The following KLHL32 variants were observed in gnomAD, a reference collection of about 807,000 sequenced individuals.
KLHL32 encodes the protein kelch-like protein 32.
In KLHL32, 35 loss-of-function variants were observed where a neutral mutation model predicts 64.8. The ratio of observed to expected loss-of-function variants is 0.54; its 90% CI spans 0.41 to 0.72. KLHL32 has a LOEUF of 0.72. Among genes scored for constraint, KLHL32 ranks in the 30% least tolerant of loss-of-function variants. KLHL32 has a pLI of 0.00. For missense variants in KLHL32, 589 were observed against 768.5 expected (o/e 0.77, Z 2.76); for synonymous variants, 259 against 281.0 (o/e 0.92, Z 0.78).
At position 97,108,428 on chromosome 6, in the gene KLHL32, A is replaced by G. The variant is rs116747516; in HGVS notation, c.628-5355A>G. ...TGTCTTTGGGTTTTATGATGCCCCA[A>G]TGATAAATCAGCTTTCCTCTTACTG... On this transcript the variant is annotated intron_variant, in intron 6 of 10. Coordinates refer to ENST00000369261, the MANE Select transcript of KLHL32 (RefSeq NM_052904.4). Among the ~76,000 whole-genome samples, 1,038 of 152,244 alleles carry G rather than the reference A, an allele frequency of 6.8e-3. 13 individuals are homozygous for G. Among genetic ancestry groups the G allele is most frequent in the African/African-American group, 0.024 (996 of 41,542 alleles).
intron 6 of KLHL32, among the ~76,000 whole-genome samples, chr6:97,087,755 C>G (rs1793647327): frequency 6.6e-6 from 1 of 152,180 alleles, no homozygotes; most frequent in South Asian, 2.1e-4. Context: ...GGGACCATCC[C>G]ATATTTGGTG....
chr6:97,119,220 C>T (rs987204882), intron 7 of KLHL32, among the ~76,000 whole-genome samples: 5 of 152,176 alleles, frequency 3.3e-5, no homozygotes, highest in South Asian at 4.1e-4. Context: ...CAGCACATCA[C>T]GCACAGTGGC....
intron 1 of KLHL32, among the ~76,000 whole-genome samples, chr6:96,947,953 T>C (rs979963484): frequency 6.6e-6 from 1 of 152,176 alleles, no homozygotes; most frequent in Non-Finnish European, 1.5e-5. Context: ...TGAGAGGGAC[T>C]TCTTTCTGGT....
At position 97,083,382 on chromosome 6, in the gene KLHL32, T is replaced by G. The variant is rs567000875; in HGVS notation, c.412-1744T>G. Reference sequence around the variant, plus strand: ...TCCAGCCTGGGCGACAGAGCAAGACTCCGTCTCAAAAAAAAAAAAAAAATT... The same window carrying G: ...TCCAGCCTGGGCGACAGAGCAAGACGCCGTCTCAAAAAAAAAAAAAAAATT... On this transcript the variant is annotated intron_variant, in intron 5 of 10. Transcript: ENST00000369261. 4.9e-5 allele frequency among the ~76,000 whole-genome samples: 5 copies of G among 101,030 alleles called. No homozygotes were observed. The South Asian group carries it at 1.7e-3, about 35-fold the overall frequency. The allele number at this position is 101,030 out of a possible 152,430, so 66.3% of individuals were successfully genotyped here.
chr6:97,006,133 A>G (rs979373489), intron 3 of KLHL32, among the ~76,000 whole-genome samples: 4 of 152,054 alleles, frequency 2.6e-5, no homozygotes, highest in African/African-American at 9.7e-5. Flanking sequence ...ATTATTGTTC[A>G]GTTATCTAGG....
chr6:97,027,415 C>G (rs1782892710), intron 3 of KLHL32, among the ~76,000 whole-genome samples: 1 of 152,130 alleles, frequency 6.6e-6, no homozygotes, highest in Admixed American at 6.5e-5. Context: ...TTCTTTATGA[C>G]AAATTGAAAC....
chr6:96,959,729 G>C (rs1773680156), intron 1 of KLHL32, among the ~76,000 whole-genome samples: 1 of 152,172 alleles, frequency 6.6e-6, no homozygotes, highest in African/African-American at 2.4e-5. Flanking sequence ...TGCGGTGGTT[G>C]CAGGTTCTGA....
intron 1 of KLHL32, among the ~76,000 whole-genome samples, chr6:96,939,948 A>G (rs1771083024): frequency 6.6e-6 from 1 of 152,066 alleles, no homozygotes; most frequent in Non-Finnish European, 1.5e-5. Flanking sequence ...GCCTAAGGAC[A>G]ACTCAGGAGG....
chr6:96,945,311 T>G (rs2128003487), intron 1 of KLHL32, among the ~76,000 whole-genome samples: 1 of 152,358 alleles, frequency 6.6e-6, no homozygotes, highest in East Asian at 1.9e-4. Flanking sequence ...ACCATGCTTC[T>G]TTTGAAGAGT....
At chr6:97,007,287 G>A (rs945714933) in intron 3 of KLHL32, among the ~76,000 whole-genome samples, 4 of 152,048 alleles carry the variant, frequency 2.6e-5, no homozygotes, top group Non-Finnish European at 5.9e-5. Context: ...CATTTCTGCC[G>A]TTAGTACTTA....
intron 3 of KLHL32, among the ~76,000 whole-genome samples, chr6:96,987,736 T>C (rs1415501833): frequency 6.6e-6 from 1 of 152,156 alleles, no homozygotes; most frequent in Admixed American, 6.5e-5. Flanking sequence ...AACAGCAAGG[T>C]ACTGGTACCA....
intron 10 of KLHL32, among the ~76,000 whole-genome samples, chr6:97,136,521 G>A (rs1265745204): frequency 6.6e-6 from 1 of 152,330 alleles, no homozygotes; most frequent in African/African-American, 2.4e-5. Context: ...TATTTAGTGG[G>A]TGTGTAAACT....
intron 4 of KLHL32, among the ~76,000 whole-genome samples, chr6:97,054,068 T>C (rs1047352596): frequency 6.6e-6 from 1 of 152,108 alleles, no homozygotes; most frequent in African/African-American, 2.4e-5. Flanking sequence ...TATGGGAGTT[T>C]TACAATTCTA....
chr6:96,930,045 T>C (rs1769658941), intron 1 of KLHL32, among the ~76,000 whole-genome samples: 1 of 152,174 alleles, frequency 6.6e-6, no homozygotes, highest in Admixed American at 6.5e-5. Flanking sequence ...CAGTACCAGT[T>C]ACTTAGAAGC....
rs767805300 is a variant in KLHL32, at chr6:97,130,948, T to G, written c.1605T>G (p.Thr535=). 1.2e-6 allele frequency: 2 copies of G among 1,608,296 alleles called. No individual in the cohort carries two copies. Among genetic ancestry groups the G allele is most frequent in the Non-Finnish European group, 1.7e-6 (2 of 1,176,884 alleles). ...QWTRCNFNLL[T]GQNESGVAVH... ...CACGTTGTAATTTCAACCTGCTGAC[T>G]GGCAAGTACCTTTGATTAAGTAAAT... The change falls in exon 9 of 11, where the codon ACT becomes ACG. Residue 535 remains threonine (T), a splice_region_variant and synonymous_variant. Coordinates refer to ENST00000369261, the MANE Select transcript of KLHL32 (RefSeq NM_052904.4).
At chr6:97,114,593 A>G (rs754424641) in intron 7 of KLHL32, 84 bp downstream of exon 7, 2 of 1,512,816 alleles carry the variant, frequency 1.3e-6, no homozygotes, top group Non-Finnish European at 9.1e-7. Context: ...TACTGTGGCC[A>G]TGTGTAATTG....
chr6:96,987,525 G>GT (rs1777262280), intron 3 of KLHL32, among the ~76,000 whole-genome samples: 1 of 152,138 alleles, frequency 6.6e-6, no homozygotes, highest in African/African-American at 2.4e-5. Context: ...TGGCCATACT[G>GT]CCTGAAGTAA....
rs1333376623 is a variant in KLHL32, at chr6:97,139,456, T to C, written c.*174T>C. ...ATACGTTATTGAAAACTCGTCACCC[T>C]TCTCAGTGTATGTCAACATTCAATA... is the stretch of plus-strand genomic sequence containing the variant. On this transcript the variant is annotated 3_prime_UTR_variant, in exon 11 of 11. Transcript: ENST00000369261. 1 of 596,024 alleles carries C rather than the reference T, an allele frequency of 1.7e-6. No individual in the cohort carries two copies. The highest frequency in any genetic ancestry group is 3.2e-5 in the Admixed American group (1 of 31,468). 36.9% of individuals were successfully genotyped at this position (596,024 alleles called of 1,614,324 possible). A position where few individuals can be genotyped will look rare whatever the true frequency, so the allele number is the denominator to read the frequency against.
chr6:96,985,951 A>G (rs1204933797), intron 3 of KLHL32, among the ~76,000 whole-genome samples: 1 of 152,018 alleles, frequency 6.6e-6, no homozygotes, highest in Non-Finnish European at 1.5e-5. Flanking sequence ...AGGTGCTCTG[A>G]TTTTTAGAGT....
Sources: allele counts gnomAD v4.1 joint callset (sites outside exome capture counted in the v4.1 genomes callset), GRCh38; gene constraint gnomAD v4.1.1; transcripts MANE v1.5; gene names NCBI Gene and HGNC (gene_info 2026-07-23, HGNC 2026-07-21).